TMEM41B: variants seen among roughly 807,000 people sequenced by gnomAD.
TMEM41B encodes the protein protein stasimon.
TMEM41B carries 18 observed loss-of-function variants against 31.9 expected under a neutral mutation model. That is an observed-to-expected ratio of 0.56 (90% CI 0.39 to 0.84). The LOEUF is 0.84. Among genes scored for constraint, TMEM41B ranks in the 40% least tolerant of loss-of-function variants. TMEM41B has a pLI of 0.00. For missense variants in TMEM41B, 322 were observed against 348.0 expected, an observed-to-expected ratio of 0.93 and a Z score of 0.59; for synonymous variants, 144 against 124.3, an observed-to-expected ratio of 1.16 and a Z score of -1.05.
intron 1 of TMEM41B, among the ~76,000 whole-genome samples, chr11:9,300,160 C>T (rs1477357805): frequency 6.6e-6 from 1 of 152,012 alleles, no homozygotes. Flanking sequence ...AAGCACTGTA[C>T]AGTACTTGAA....
intron 2 of TMEM41B, among the ~76,000 whole-genome samples, chr11:9,297,849 T>C (rs1053366693): frequency 1.3e-4 from 20 of 151,828 alleles, no homozygotes; most frequent in African/African-American, 4.8e-4. Context: ...AACTGACCTA[T>C]GGCTGGGAAC....
rs538372314 is a variant in TMEM41B at position 9,294,180 on chromosome 11, C to CAAAAAA, written c.368+1073_368+1078dup. ...TGGGTGACAGGGGGAGAACCTGTCT[C>CAAAAAA]AAAAAAAAAAAAAAAAAAAAAAAAA... On this transcript the variant is annotated intron_variant, in intron 3 of 6. Coordinates refer to ENST00000528080, the MANE Select transcript of TMEM41B (RefSeq NM_015012.4). Among the ~76,000 whole-genome samples the CAAAAAA allele has an allele frequency of 4.9e-4, 36 of 73,440 alleles. 1 individual carries two copies. Among genetic ancestry groups the CAAAAAA allele is most frequent in the African/African-American group, 2.1e-3 (34 of 16,048 alleles). The allele number at this position is 73,440 out of a possible 152,430, so 48.2% of individuals were successfully genotyped here. A position where few individuals can be genotyped will look rare whatever the true frequency, so the allele number is the denominator to read the frequency against.
chr11:9,285,474 G>C (rs1299735270), intron 6 of TMEM41B, among the ~76,000 whole-genome samples: 1 of 152,030 alleles, frequency 6.6e-6, no homozygotes, highest in Non-Finnish European at 1.5e-5. Flanking sequence ...GCTTTAATAG[G>C]TATTCAATAT....
At chr11:9,297,234 G>A (rs2133627194) in intron 2 of TMEM41B, among the ~76,000 whole-genome samples, 1 of 152,234 alleles carries the variant, frequency 6.6e-6, no homozygotes, top group African/African-American at 2.4e-5. Flanking sequence ...ACGGGCGCCC[G>A]CCACCACGCC....
intron 3 of TMEM41B, among the ~76,000 whole-genome samples, chr11:9,291,327 G>A (rs924880684): frequency 6.6e-6 from 1 of 151,654 alleles, no homozygotes; most frequent in Non-Finnish European, 1.5e-5. Flanking sequence ...GGTTGCAGTG[G>A]GCCGAGATCG....
chr11:9,291,745 G>C (rs1267801576), intron 3 of TMEM41B, among the ~76,000 whole-genome samples: 1 of 151,088 alleles, frequency 6.6e-6, no homozygotes, highest in Non-Finnish European at 1.5e-5. Flanking sequence ...GTCTCGCTCT[G>C]TCGTCCAGGC....
intron 1 of TMEM41B, among the ~76,000 whole-genome samples, chr11:9,305,240 A>C (rs931364904): frequency 6.6e-6 from 1 of 152,202 alleles, no homozygotes; most frequent in Non-Finnish European, 1.5e-5. Flanking sequence ...GTAGGCTGAC[A>C]TCAAAGCAAA....
chr11:9,313,367 T>C (rs1020879063), intron 1 of TMEM41B, among the ~76,000 whole-genome samples: 11 of 152,352 alleles, frequency 7.2e-5, no homozygotes, highest in African/African-American at 2.4e-4. Context: ...GAAGTTCTCC[T>C]AGCCATCACT....
At chr11:9,311,778 C>G (rs1853568272) in intron 1 of TMEM41B, 2 of 587,510 alleles carry the variant, frequency 3.4e-6, no homozygotes, top group African/African-American at 3.8e-5. Flanking sequence ...CCTGTCTGCT[C>G]TCTCATCTTC....
chr11:9,286,578 C>T lies in TMEM41B; in HGVS notation c.583G>A (p.Glu195Lys). ...AATATAATGTAGTTAATGAGATGTT[C>T]TCTATGACGTTCAACCTGTCATAAG... ...KWSQQVERHREHLINYIIFLR... is the reference protein window; with the variant it reads ...KWSQQVERHRKHLINYIIFLR... Residue 195 changes from glutamate to lysine, a missense_variant, in exon 6 of 7, where the codon GAA becomes AAA. Glu to Lys is a moderately conservative substitution (Grantham distance 56, BLOSUM62 1). This residue lies in a region of TMEM41B where 47 missense variants were observed against 84.8 expected (regional missense o/e 0.55). Transcript: ENST00000528080. 2 of 1,606,978 alleles carry T rather than the reference C, an allele frequency of 1.2e-6. No homozygotes were observed. The highest frequency in any genetic ancestry group is 1.7e-6 in the Non-Finnish European group (2 of 1,177,586).
intron 1 of TMEM41B, among the ~76,000 whole-genome samples, chr11:9,310,707 T>C (rs1853539286): frequency 7.0e-6 from 1 of 143,006 alleles, no homozygotes; most frequent in African/African-American, 2.6e-5. Flanking sequence ...TTATTTGGAC[T>C]GAGAGCTGGA....
At chr11:9,306,500 G>A (rs1052766923) in intron 1 of TMEM41B, among the ~76,000 whole-genome samples, 5 of 151,466 alleles carry the variant, frequency 3.3e-5, no homozygotes, top group Non-Finnish European at 5.9e-5. Context: ...GGCTAACACG[G>A]TGAAACCCCG....
At chr11:9,293,725 G>T (rs1454445501) in intron 3 of TMEM41B, among the ~76,000 whole-genome samples, 1 of 152,102 alleles carries the variant, frequency 6.6e-6, no homozygotes, top group East Asian at 1.9e-4. Context: ...GGGATTACAG[G>T]CATGCAATCA....
intron 1 of TMEM41B, among the ~76,000 whole-genome samples, chr11:9,301,118 C>T (rs978206219): frequency 8.6e-5 from 13 of 151,736 alleles, no homozygotes; most frequent in African/African-American, 4.8e-5. Flanking sequence ...CTATATGGCC[C>T]GGCATGATGG....
At chr11:9,298,925 T>C (rs1446669696) in intron 2 of TMEM41B, among the ~76,000 whole-genome samples, 1 of 152,030 alleles carries the variant, frequency 6.6e-6, no homozygotes, top group Non-Finnish European at 1.5e-5. Context: ...TCATATAATC[T>C]ATGATTATAC....
At chr11:9,312,386 G>A (rs1039596474) in intron 1 of TMEM41B, among the ~76,000 whole-genome samples, 1 of 152,194 alleles carries the variant, frequency 6.6e-6, no homozygotes, top group Non-Finnish European at 1.5e-5. Context: ...CCTGTAGTCA[G>A]CTATTTGAGG....
chr11:9,286,908 G>A (rs962548051), intron 5 of TMEM41B, among the ~76,000 whole-genome samples: 1 of 152,118 alleles, frequency 6.6e-6, no homozygotes, highest in African/African-American at 2.4e-5. Context: ...GCTGAGGCAG[G>A]AGAATCGCTT....
intron 3 of TMEM41B, among the ~76,000 whole-genome samples, chr11:9,289,575 T>C (rs888823327): frequency 2.0e-5 from 3 of 152,168 alleles, no homozygotes; most frequent in Non-Finnish European, 4.4e-5. Context: ...AACTACTCAG[T>C]TGTCTATAAC....
At chr11:9,313,351 C>T (rs1250685692) in intron 1 of TMEM41B, among the ~76,000 whole-genome samples, 1 of 152,222 alleles carries the variant, frequency 6.6e-6, no homozygotes, top group Non-Finnish European at 1.5e-5. Flanking sequence ...CTACTACATA[C>T]TCTTAGAAGT....
Sources: gnomAD v4.1 joint callset for allele counts (sites outside exome capture counted in the v4.1 genomes callset) on GRCh38, gnomAD v4.1.1 for gene constraint, gnomAD v4.1.1 regional missense constraint, MANE v1.5 for transcripts, NCBI Gene and HGNC (gene_info 2026-07-23, HGNC 2026-07-21) for gene names.